The following KIF13B variants were observed in gnomAD, a reference collection of about 807,000 sequenced individuals.
KIF13B encodes the protein kinesin family member 13B.
KIF13B carries 127 observed loss-of-function variants against 222.0 expected under a neutral mutation model. The observed-to-expected ratio is 0.57, with a 90% confidence interval of 0.50 to 0.66. The LOEUF (loss-of-function observed/expected upper bound fraction) is 0.66. Ranked by LOEUF, KIF13B falls within the 30% of genes least tolerant of loss-of-function variation. The pLI is 0.00. For missense variants in KIF13B, 2,173 were observed against 2,379.0 expected (o/e 0.91, Z 1.80); for synonymous variants, 976 against 919.0 (o/e 1.06, Z -1.12).
intron 36 of KIF13B, among the ~76,000 whole-genome samples, chr8:29,095,872 G>C (rs1045488214): frequency 6.6e-6 from 1 of 150,872 alleles, no homozygotes; most frequent in Admixed American, 6.6e-5. Context: ...GATACTGCCA[G>C]AAATAATCTG....
intron 2 of KIF13B, among the ~76,000 whole-genome samples, chr8:29,208,703 C>T (rs986595830): frequency 1.3e-5 from 2 of 152,178 alleles, no homozygotes; most frequent in Admixed American, 6.5e-5. Flanking sequence ...GTCATTGGCC[C>T]ATGAGGGTGG....
intron 2 of KIF13B, among the ~76,000 whole-genome samples, chr8:29,211,569 C>T (rs1232004728): frequency 2.0e-5 from 3 of 152,226 alleles, no homozygotes; most frequent in South Asian, 2.1e-4. Flanking sequence ...CAGGAATCTG[C>T]TCAGGGGCCC....
At chr8:29,114,515 G>A (rs1001242581) in intron 31 of KIF13B, among the ~76,000 whole-genome samples, 1 of 152,198 alleles carries the variant, frequency 6.6e-6, no homozygotes, top group Admixed American at 6.5e-5. Context: ...GGTGGTGAAG[G>A]GAGATGTAGA....
In KIF13B at chr8:29,132,468, GA is replaced by G; in HGVS notation, c.2785-4del. On this transcript the variant is annotated splice_region_variant and splice_polypyrimidine_tract_variant and intron_variant, in intron 22 of 39. Coordinates refer to ENST00000524189, the MANE Select transcript of KIF13B (RefSeq NM_015254.4). ...TCGGTGATGTTAACAGAAAACTCCT[GA>G]AACACAACAGCTAATTACAGAAGAG... 6.7e-7 allele frequency: 1 copy of G among 1,486,366 alleles called. No homozygotes were observed. The highest frequency in any genetic ancestry group is 9.0e-7 in the Non-Finnish European group (1 of 1,110,746). 92.1% of individuals were successfully genotyped at this position (1,486,366 alleles called of 1,614,324 possible).
chr8:29,170,164 C>T (rs1471983571), intron 10 of KIF13B, among the ~76,000 whole-genome samples: 5 of 152,102 alleles, frequency 3.3e-5, no homozygotes, highest in Admixed American at 2.0e-4. Flanking sequence ...ACTGTTTAGG[C>T]AAATCAGATG....
intron 1 of KIF13B, among the ~76,000 whole-genome samples, chr8:29,255,166 A>G (rs1293397281): frequency 6.6e-6 from 1 of 152,188 alleles, no homozygotes; most frequent in Non-Finnish European, 1.5e-5. Flanking sequence ...TAACAGTTAC[A>G]AGGTTCCTCT....
chr8:29,152,472 C>T (rs1455020728), intron 14 of KIF13B, among the ~76,000 whole-genome samples: 1 of 152,134 alleles, frequency 6.6e-6, no homozygotes, highest in Admixed American at 6.5e-5. Flanking sequence ...TAAGAAATTG[C>T]CACAGCCATC....
intron 31 of KIF13B, among the ~76,000 whole-genome samples, chr8:29,116,101 C>T (rs1343997060): frequency 2.6e-5 from 4 of 152,124 alleles, no homozygotes; most frequent in Admixed American, 2.0e-4. Context: ...TGAGATGCAT[C>T]GCCCAGACTG....
chr8:29,111,443 T>A (rs186657518), intron 32 of KIF13B, among the ~76,000 whole-genome samples: 3 of 152,376 alleles, frequency 2.0e-5, no homozygotes, highest in Admixed American at 2.0e-4. Flanking sequence ...GGGATCTTTT[T>A]ATTTTGTTTT....
chr8:29,132,475 A>G lies in KIF13B; in HGVS notation c.2785-10T>C. 1.0e-5 allele frequency: 15 copies of G among 1,474,136 alleles called. No individual in the cohort carries two copies. The highest frequency in any genetic ancestry group is 1.3e-5 in the Non-Finnish European group (14 of 1,103,448). The allele number at this position is 1,474,136 out of a possible 1,614,324, so 91.3% of individuals were successfully genotyped here. A position where few individuals can be genotyped will look rare whatever the true frequency, so the allele number is the denominator to read the frequency against. On this transcript the variant is annotated splice_polypyrimidine_tract_variant and intron_variant, in intron 22 of 39. Coordinates refer to ENST00000524189, the MANE Select transcript of KIF13B (RefSeq NM_015254.4). ...TGTTAACAGAAAACTCCTGAAACAC[A>G]ACAGCTAATTACAGAAGAGCAAACT... is the stretch of plus-strand genomic sequence containing the variant.
intron 38 of KIF13B, among the ~76,000 whole-genome samples, chr8:29,074,228 G>A (rs1308458455): frequency 2.0e-5 from 3 of 152,188 alleles, no homozygotes; most frequent in Non-Finnish European, 4.4e-5. Flanking sequence ...ACACTGGCTT[G>A]GGCTGGGCTG....
chr8:29,195,946 C>G (rs1163355544), intron 3 of KIF13B, among the ~76,000 whole-genome samples: 2 of 152,234 alleles, frequency 1.3e-5, no homozygotes, highest in African/African-American at 4.8e-5. Context: ...CAAAAGGAAT[C>G]TGTGTTGTAG....
chr8:29,112,000 ATAAT>A (rs1809378198), intron 32 of KIF13B, among the ~76,000 whole-genome samples: 1 of 152,252 alleles, frequency 6.6e-6, no homozygotes, highest in African/African-American at 2.4e-5. Context: ...TCCAAATTAA[ATAAT>A]TAGATGGTTA....
chr8:29,125,555 A>C (rs999543044), intron 26 of KIF13B, among the ~76,000 whole-genome samples: 1 of 152,232 alleles, frequency 6.6e-6, no homozygotes, highest in East Asian at 1.9e-4. Context: ...TATCTGATAC[A>C]GTGTTTTTAT....
At chr8:29,109,794 CAA>C in intron 33 of KIF13B, 122 bp downstream of exon 33, 1 of 951,314 alleles carries the variant, frequency 1.1e-6, no homozygotes, top group Non-Finnish European at 1.6e-6. Flanking sequence ...CTGGATTATT[CAA>C]AGTTCATTAG....
At chr8:29,123,840 C>A (rs1015735752) in intron 27 of KIF13B, among the ~76,000 whole-genome samples, 184 bp downstream of exon 27, 1 of 152,162 alleles carries the variant, frequency 6.6e-6, no homozygotes, top group Non-Finnish European at 1.5e-5. Flanking sequence ...GGGAGGAAGA[C>A]CTCCACCAAG....
intron 37 of KIF13B, among the ~76,000 whole-genome samples, chr8:29,087,931 C>T (rs1808118672): frequency 6.6e-6 from 1 of 151,610 alleles, no homozygotes; most frequent in Non-Finnish European, 1.5e-5. Flanking sequence ...AAAACTTCTA[C>T]ATAATAGTAA....
chr8:29,204,113 A>T (rs1301513854), intron 2 of KIF13B, among the ~76,000 whole-genome samples: 1 of 152,134 alleles, frequency 6.6e-6, no homozygotes, highest in Non-Finnish European at 1.5e-5. Flanking sequence ...TGTAGAAAAA[A>T]GTTTGACAAC....
chr8:29,144,661 G>A (rs1227304591), intron 18 of KIF13B, among the ~76,000 whole-genome samples: 1 of 152,112 alleles, frequency 6.6e-6, no homozygotes, highest in Non-Finnish European at 1.5e-5. Context: ...GCTTTCCTGG[G>A]GGAGAATGCT....
Sources: gnomAD v4.1 joint callset for allele counts (sites outside exome capture counted in the v4.1 genomes callset) on GRCh38, gnomAD v4.1.1 for gene constraint, MANE v1.5 for transcripts, NCBI Gene and HGNC (gene_info 2026-07-23, HGNC 2026-07-21) for gene names.